The following NCBP3 variants were observed in gnomAD, a reference collection of about 807,000 sequenced individuals.
The protein encoded by NCBP3 is nuclear cap binding subunit 3.
A neutral mutation model predicts 75.7 loss-of-function variants in NCBP3; 20 were observed. The observed-to-expected ratio is 0.26, with a 90% CI of 0.19 to 0.38. The LOEUF is 0.38. Ranked by LOEUF, NCBP3 falls within the 10% of genes least tolerant of loss-of-function variation. The pLI, the probability that NCBP3 is intolerant of heterozygous loss-of-function variation, is 1.00. For synonymous variants in NCBP3, 293 were observed against 290.5 expected (o/e 1.01, Z -0.09); for missense variants, 678 against 796.9 (o/e 0.85, Z 1.80).
intron 7 of NCBP3, chr17:3,824,474 CAT>C (rs1567587321): frequency 6.5e-6 from 1 of 154,188 alleles, no homozygotes; most frequent in Non-Finnish European, 1.4e-5. Context: ...GCGATACATA[CAT>C]ACATATACAT....
At chr17:3,843,258 TTG>T (rs1491525498) in intron 1 of NCBP3, 107 bp from the exon 2 acceptor site, 15 of 898,426 alleles carry the variant, frequency 1.7e-5, no homozygotes, top group African/African-American at 1.2e-4. Context: ...TTTTTTTTTT[TTG>T]TTGGTGACAG....
At chr17:3,824,433 TAC>T (rs1281692135) in intron 7 of NCBP3, 1 of 149,398 alleles carries the variant, frequency 6.7e-6, no homozygotes, top group Non-Finnish European at 1.4e-5. Flanking sequence ...TACATATACA[TAC>T]ATACACATGC....
At chr17:3,839,050 A>G (rs2054021765) in intron 3 of NCBP3, among the ~76,000 whole-genome samples, 1 of 152,242 alleles carries the variant, frequency 6.6e-6, no homozygotes, top group African/African-American at 2.4e-5. Context: ...AGCCTTCTGC[A>G]TTCATGGATT....
intron 3 of NCBP3, among the ~76,000 whole-genome samples, chr17:3,838,280 C>G (rs2054009935): frequency 6.6e-6 from 1 of 152,188 alleles, no homozygotes; most frequent in Non-Finnish European, 1.5e-5. Context: ...AGGCATGAGC[C>G]GTATCAGAGG....
chr17:3,828,108 G>T (rs1028973396), intron 4 of NCBP3, among the ~76,000 whole-genome samples: 1 of 152,118 alleles, frequency 6.6e-6, no homozygotes, highest in African/African-American at 2.4e-5. Flanking sequence ...TAGTAGAGAC[G>T]GGGTTTTGCC....
intron 7 of NCBP3, among the ~76,000 whole-genome samples, chr17:3,823,280 G>A (rs1033034751): frequency 2.6e-4 from 39 of 152,044 alleles, no homozygotes; most frequent in South Asian, 2.1e-4. Flanking sequence ...GGGAGGCAGC[G>A]GTTGCAGTGA....
At chr17:3,816,414 A>G (rs1480763697) in intron 10 of NCBP3, 144 bp from the exon 11 acceptor site, 29 of 749,384 alleles carry the variant, frequency 3.9e-5, no homozygotes, top group Admixed American at 6.1e-5. Flanking sequence ...CCATAAACTT[A>G]TAATTATTTG....
At chr17:3,834,747 A>AAAAT (rs901268425) in intron 3 of NCBP3, among the ~76,000 whole-genome samples, 34 of 152,292 alleles carry the variant, frequency 2.2e-4, no homozygotes, top group African/African-American at 6.3e-4. Flanking sequence ...CCATCTCTAA[A>AAAAT]AAATAAATAA....
chr17:3,845,507 G>C lies in NCBP3; in HGVS notation c.183+534C>G, dbSNP rs556132280. ...GGTGTAGGTGTCACTGGAGCTGCGG[G>C]GGGGGCAAGATGACCCCGAAGTCAC... On this transcript the variant is annotated intron_variant, in intron 1 of 12. Coordinates refer to ENST00000389005, the MANE Select transcript of NCBP3 (RefSeq NM_001114118.3). 3.9e-5 allele frequency among the ~76,000 whole-genome samples: 6 copies of C among 152,224 alleles called. No homozygotes were observed. The East Asian group carries it at 9.7e-4, about 25-fold the overall frequency.
At chr17:3,828,413 T>C (rs2053824133) in intron 4 of NCBP3, among the ~76,000 whole-genome samples, 1 of 152,144 alleles carries the variant, frequency 6.6e-6, no homozygotes, top group African/African-American at 2.4e-5. Context: ...ATTTGGATAG[T>C]GTAAGTTAAA....
In NCBP3 at chr17:3,812,777, G is replaced by T. The variant is rs1229609461; in HGVS notation, c.*267C>A. The T allele has an allele frequency of 1.5e-6, 2 of 1,293,382 alleles. No homozygotes were observed. Among genetic ancestry groups the T allele is most frequent in the Non-Finnish European group, 9.8e-7 (1 of 1,017,242 alleles). The allele number at this position is 1,293,382 out of a possible 1,614,324, so 80.1% of individuals were successfully genotyped here. On this transcript the variant is annotated 3_prime_UTR_variant, in exon 13 of 13. Transcript: ENST00000389005. ...AAGAAAAATGTCTACAAAATCTGGAGGGCTGCCTTTTTCTCAAAGGGTAAA... is the reference window on the plus strand; with the variant it reads ...AAGAAAAATGTCTACAAAATCTGGATGGCTGCCTTTTTCTCAAAGGGTAAA...
At chr17:3,814,568 C>T (rs919217483) in intron 11 of NCBP3, 85 bp from the exon 12 acceptor site, 17 of 1,424,972 alleles carry the variant, frequency 1.2e-5, no homozygotes, top group African/African-American at 1.4e-5. Context: ...ACGGATCTGG[C>T]GCTAACCCCT....
intron 6 of NCBP3, among the ~76,000 whole-genome samples, chr17:3,825,305 C>G (rs557938785): frequency 9.8e-5 from 15 of 152,296 alleles, no homozygotes; most frequent in African/African-American, 3.6e-4. Flanking sequence ...ATCTGTGCAT[C>G]AGTGTATCCT....
At chr17:3,821,872 T>C (rs1005562611) in intron 8 of NCBP3, 81 bp downstream of exon 8, 1 of 883,976 alleles carries the variant, frequency 1.1e-6, no homozygotes, top group Non-Finnish European at 1.8e-6. Flanking sequence ...TTACACAGGG[T>C]TTAGACATTT....
chr17:3,845,895 G>A (rs1267332417), intron 1 of NCBP3, 146 bp downstream of exon 1: 3 of 947,394 alleles, frequency 3.2e-6, no homozygotes, highest in East Asian at 3.2e-5. Flanking sequence ...CCAGCCCGGC[G>A]TTCCCGTTCC....
chr17:3,825,154 AAGCATTAT>A, intron 6 of NCBP3, 104 bp from the exon 7 acceptor site: 2 of 598,894 alleles, frequency 3.3e-6, no homozygotes, highest in South Asian at 4.6e-5. Flanking sequence ...TAATACTTAC[AAGCATTAT>A]AGCACTAGTT....
intron 3 of NCBP3, among the ~76,000 whole-genome samples, chr17:3,839,536 T>TG (rs1471033769): frequency 1.3e-5 from 2 of 152,134 alleles, no homozygotes; most frequent in Non-Finnish European, 2.9e-5. Flanking sequence ...TTAGTAGAGA[T>TG]GGGGTTTCAC....
chr17:3,827,092 G>A (rs1225951966), intron 4 of NCBP3, among the ~76,000 whole-genome samples: 1 of 149,216 alleles, frequency 6.7e-6, no homozygotes, highest in Non-Finnish European at 1.5e-5. Context: ...AAAGGGGAAG[G>A]GGGAAGGGAA....
chr17:3,823,544 C>T (rs118085550), intron 7 of NCBP3, among the ~76,000 whole-genome samples: 454 of 152,176 alleles, frequency 3.0e-3, no homozygotes, highest in Non-Finnish European at 4.7e-3. Flanking sequence ...AGGCTATTTA[C>T]GTGATCTCAA....
Sources: allele counts gnomAD v4.1 joint callset (sites outside exome capture counted in the v4.1 genomes callset), GRCh38; gene constraint gnomAD v4.1.1; transcripts MANE v1.5; gene names NCBI Gene and HGNC (gene_info 2026-07-23, HGNC 2026-07-21).